The following SERPINA12 variants were observed in gnomAD, a reference collection of about 807,000 sequenced individuals.
SERPINA12 encodes the protein serpin family A member 12.
Under a neutral mutation model 25.9 loss-of-function variants are expected in SERPINA12, and 21 were observed. That is an observed-to-expected ratio of 0.81 (90% CI 0.58 to 1.17). The LOEUF (loss-of-function observed/expected upper bound fraction) is 1.17. Among genes scored for constraint, SERPINA12 ranks in the 50% most tolerant of loss-of-function variants. The pLI is 0.00. For synonymous variants in SERPINA12, 220 were observed against 196.0 expected (o/e 1.12, Z -1.02); for missense variants, 562 against 508.3 (o/e 1.11, Z -1.02).
chr14:94,506,315 G>A (rs1003130537), intron 1 of SERPINA12, among the ~76,000 whole-genome samples: 7 of 152,282 alleles, frequency 4.6e-5, no homozygotes, highest in African/African-American at 1.7e-4. Context: ...TAGTGACCAT[G>A]CCACACCCTA....
chr14:94,509,337 C>A lies in SERPINA12; in HGVS notation c.-34+5G>T, dbSNP rs1767289580. On this transcript the variant is annotated splice_donor_5th_base_variant and intron_variant, in intron 1 of 4. Coordinates refer to ENST00000677451, the MANE Select transcript of SERPINA12 (RefSeq NM_001382267.1). Reference sequence around the variant, plus strand: ...ACACACACACACACTGCCCCTTGGACTAACCTCACCTCCCCAGTTTCTCCT... The same window carrying A: ...ACACACACACACACTGCCCCTTGGAATAACCTCACCTCCCCAGTTTCTCCT... 6.7e-6 allele frequency among the ~76,000 whole-genome samples: 1 copy of A among 150,038 alleles called. No individual in the cohort carries two copies. The highest frequency in any genetic ancestry group is 2.1e-4 in the South Asian group (1 of 4,732).
chr14:94,496,229 GT>G (rs1185603657), intron 3 of SERPINA12, 143 bp downstream of exon 3: 4 of 786,838 alleles, frequency 5.1e-6, no homozygotes, highest in Non-Finnish European at 8.1e-6. Flanking sequence ...CCTATGATTT[GT>G]TCCCCAGTCT....
intron 3 of SERPINA12, among the ~76,000 whole-genome samples, chr14:94,494,229 G>A (rs1900300204): frequency 6.6e-6 from 1 of 152,164 alleles, no homozygotes; most frequent in Non-Finnish European, 1.5e-5. Context: ...AGTTCCCTAG[G>A]GAGATCTCTC....
chr14:94,488,582 A>G (rs879421455), intron 4 of SERPINA12, among the ~76,000 whole-genome samples: 1 of 152,194 alleles, frequency 6.6e-6, no homozygotes, highest in East Asian at 1.9e-4. Context: ...TGTCCCGTGA[A>G]ATATTCTGAA....
At chr14:94,498,997 A>G (rs1900594676) in intron 1 of SERPINA12, among the ~76,000 whole-genome samples, 1 of 152,204 alleles carries the variant, frequency 6.6e-6, no homozygotes, top group Non-Finnish European at 1.5e-5. Flanking sequence ...GACACATCTG[A>G]TGACATCTTT....
intron 4 of SERPINA12, 92 bp downstream of exon 4, chr14:94,489,528 G>A (rs941431335): frequency 7.1e-5 from 102 of 1,442,398 alleles, no homozygotes; most frequent in Non-Finnish European, 8.7e-5. Context: ...GTGGAGTCTC[G>A]GCTCTGACAG....
At chr14:94,510,879 T>C (rs1052875605), upstream of SERPINA12, among the ~76,000 whole-genome samples, 1 of 152,056 alleles carries the variant, frequency 6.6e-6, no homozygotes, top group Non-Finnish European at 1.5e-5. Context: ...TGCCCATAAG[T>C]GGGAGCTAAG....
At chr14:94,505,306 T>C (rs1180087711) in intron 1 of SERPINA12, among the ~76,000 whole-genome samples, 1 of 152,174 alleles carries the variant, frequency 6.6e-6, no homozygotes, top group African/African-American at 2.4e-5. Context: ...CCACAGACTC[T>C]ATGCACTCAG....
chr14:94,510,198 T>C, upstream of SERPINA12: 1 of 985,396 alleles, frequency 1.0e-6, no homozygotes, highest in South Asian at 4.7e-5. Context: ...GGATCTGTGG[T>C]TGCCTGAGAG....
intron 3 of SERPINA12, among the ~76,000 whole-genome samples, chr14:94,491,960 TA>T (rs542181768): frequency 5.3e-4 from 81 of 152,196 alleles, no homozygotes; most frequent in African/African-American, 1.9e-3. Context: ...GGGGTAAGTA[TA>T]GACAGAAAAG....
chr14:94,500,892 C>A (rs187440813), intron 1 of SERPINA12: 5 of 985,150 alleles, frequency 5.1e-6, no homozygotes, highest in South Asian at 9.4e-5. Context: ...TTTTTTAAAA[C>A]GCCAGGACTA....
At chr14:94,511,654 C>T (rs867148643), upstream of SERPINA12, 1 of 985,456 alleles carries the variant, frequency 1.0e-6, no homozygotes, top group African/African-American at 1.7e-5. Context: ...CCACCCACCT[C>T]TCTCACCTGC....
chr14:94,501,864 G>A (rs185728934), intron 1 of SERPINA12, among the ~76,000 whole-genome samples: 6 of 152,158 alleles, frequency 3.9e-5, no homozygotes, highest in Admixed American at 2.6e-4. Context: ...CTGTCATCAC[G>A]GGCTTTAAAC....
upstream of SERPINA12, among the ~76,000 whole-genome samples, chr14:94,512,930 C>T (rs945078538): frequency 1.3e-5 from 2 of 152,182 alleles, no homozygotes; most frequent in Non-Finnish European, 2.9e-5. Flanking sequence ...ACAGAGAAGA[C>T]GTAGTGAAGA....
intron 1 of SERPINA12, among the ~76,000 whole-genome samples, chr14:94,501,658 A>ACCC (rs1566812457): frequency 1.2e-5 from 1 of 83,314 alleles, no homozygotes; most frequent in African/African-American, 8.5e-5. Context: ...CACTGCCACC[A>ACCC]CCTCCCCGCC....
chr14:94,505,231 G>A (rs1900890265), intron 1 of SERPINA12, among the ~76,000 whole-genome samples: 1 of 152,202 alleles, frequency 6.6e-6, no homozygotes, highest in South Asian at 2.1e-4. Flanking sequence ...GCTATTCAGA[G>A]CAGGTGACCC....
At chr14:94,490,094 G>A (rs3818258) in intron 3 of SERPINA12, among the ~76,000 whole-genome samples, 6,041 of 152,176 alleles carry the variant, frequency 0.04, 413 homozygotes, top group East Asian at 0.31. Flanking sequence ...CCATGCCTGA[G>A]CCCTGAGCCC....
At chr14:94,513,357 A>C (rs534055319), upstream of SERPINA12, among the ~76,000 whole-genome samples, 1 of 152,366 alleles carries the variant, frequency 6.6e-6, no homozygotes, top group East Asian at 1.9e-4. Flanking sequence ...ATCTCTAAGC[A>C]GTACAAACCA....
chr14:94,490,519 C>T (rs1479236770), intron 3 of SERPINA12, among the ~76,000 whole-genome samples: 1 of 152,104 alleles, frequency 6.6e-6, no homozygotes, highest in Admixed American at 6.5e-5. Context: ...TGTCCTCTCT[C>T]TCCTGCATCA....
Sources: allele counts gnomAD v4.1 joint callset (sites outside exome capture counted in the v4.1 genomes callset), GRCh38; gene constraint gnomAD v4.1.1; transcripts MANE v1.5; gene names NCBI Gene and HGNC (gene_info 2026-07-23, HGNC 2026-07-21).